The following MBD5 variants were observed in gnomAD, a reference collection of about 807,000 sequenced individuals.
The protein encoded by MBD5 is methyl-CpG-binding domain protein 5.
In MBD5, 13 loss-of-function variants were observed where a neutral mutation model predicts 117.3. The ratio of observed to expected loss-of-function variants is 0.11; its 90% CI spans 0.07 to 0.18. The LOEUF (loss-of-function observed/expected upper bound fraction) is 0.18. MBD5 is among the 10% of genes least tolerant of loss of function. The probability of loss-of-function intolerance (pLI) is 1.00; values close to 1 mark genes in which losing one functional copy is unlikely to be tolerated. For missense variants in MBD5, 1,879 were observed against 2,093.8 expected (o/e 0.90, Z 2.00); for synonymous variants, 727 against 766.4 (o/e 0.95, Z 0.85).
intron 3 of MBD5, among the ~76,000 whole-genome samples, chr2:148,267,211 T>TA (rs1700879654): frequency 6.6e-6 from 1 of 152,032 alleles, no homozygotes; most frequent in African/African-American, 2.4e-5. Context: ...AGTAGACAGA[T>TA]AAAAAAAGAA....
intron 1 of MBD5, among the ~76,000 whole-genome samples, chr2:148,023,244 A>T (rs890862899): frequency 2.6e-5 from 4 of 152,162 alleles, no homozygotes; most frequent in African/African-American, 9.7e-5. Flanking sequence ...TAAATCTAGA[A>T]GGATATTTGG....
intron 1 of MBD5, among the ~76,000 whole-genome samples, chr2:148,090,701 A>G (rs914948200): frequency 1.3e-5 from 2 of 152,170 alleles, no homozygotes; most frequent in African/African-American, 2.4e-5. Context: ...CCTCAAAGTA[A>G]TAAAAGCCAT....
chr2:148,333,464 A>C (rs1702712882), intron 3 of MBD5, among the ~76,000 whole-genome samples: 1 of 152,188 alleles, frequency 6.6e-6, no homozygotes, highest in South Asian at 2.1e-4. Context: ...GTGTGAACCA[A>C]GTAAAAGAGG....
chr2:148,461,518 G>A (rs1707082124), intron 5 of MBD5, among the ~76,000 whole-genome samples: 1 of 152,166 alleles, frequency 6.6e-6, no homozygotes, highest in Non-Finnish European at 1.5e-5. Context: ...AGAACAATCT[G>A]TGTCCAGTAT....
intron 4 of MBD5, among the ~76,000 whole-genome samples, chr2:148,348,413 A>T (rs984989586): frequency 3.3e-5 from 5 of 151,972 alleles, no homozygotes; most frequent in Admixed American, 2.0e-4. Context: ...ACTCACTTTA[A>T]ATTAGAATAC....
At chr2:148,504,265 T>C (rs1328460194) in intron 12 of MBD5, among the ~76,000 whole-genome samples, 1 of 152,198 alleles carries the variant, frequency 6.6e-6, no homozygotes, top group Non-Finnish European at 1.5e-5. Context: ...GAACTTTATT[T>C]ACCATACTAT....
At chr2:148,183,138 C>T (rs1465044638) in intron 2 of MBD5, among the ~76,000 whole-genome samples, 1 of 152,048 alleles carries the variant, frequency 6.6e-6, no homozygotes, top group African/African-American at 2.4e-5. Flanking sequence ...AGTAAAGCAT[C>T]ATGTTCAGGA....
chr2:148,492,377 T>G (rs2105148089), intron 11 of MBD5, among the ~76,000 whole-genome samples: 1 of 152,116 alleles, frequency 6.6e-6, no homozygotes. Context: ...CCTTGTCATT[T>G]TGGATTCTCA....
intron 4 of MBD5, among the ~76,000 whole-genome samples, chr2:148,379,474 T>A (rs1426068162): frequency 1.3e-5 from 2 of 151,756 alleles, no homozygotes; most frequent in Non-Finnish European, 2.9e-5. Context: ...TCAAAAGACA[T>A]AAACTAAAGA....
intron 4 of MBD5, among the ~76,000 whole-genome samples, chr2:148,418,874 T>C (rs776602231): frequency 6.6e-6 from 1 of 151,820 alleles, no homozygotes; most frequent in African/African-American, 2.4e-5. Context: ...GAAAAAAAAA[T>C]TCTGAAATTC....
chr2:148,418,774 A>G (rs2105243574), intron 4 of MBD5, among the ~76,000 whole-genome samples: 1 of 152,338 alleles, frequency 6.6e-6, no homozygotes, highest in East Asian at 1.9e-4. Context: ...GGAAAAAACA[A>G]TATCATGAAA....
chr2:148,291,042 A>G (rs1701488528), intron 3 of MBD5, among the ~76,000 whole-genome samples: 1 of 152,184 alleles, frequency 6.6e-6, no homozygotes, highest in African/African-American at 2.4e-5. Context: ...TGTCATGTCT[A>G]TTCCATTGAT....
chr2:148,088,005 G>T (rs188611601), intron 1 of MBD5, among the ~76,000 whole-genome samples: 17 of 151,060 alleles, frequency 1.1e-4, no homozygotes, highest in Admixed American at 5.3e-4. Flanking sequence ...CAGAGAAATA[G>T]ATATCATAAC....
intron 1 of MBD5, among the ~76,000 whole-genome samples, chr2:148,132,201 T>G (rs1406175324): frequency 6.6e-6 from 1 of 151,952 alleles, no homozygotes; most frequent in Non-Finnish European, 1.5e-5. Context: ...AAAACTATTG[T>G]TAGAGGATTA....
At chr2:148,417,916 T>C (rs944160956) in intron 4 of MBD5, among the ~76,000 whole-genome samples, 11 of 152,050 alleles carry the variant, frequency 7.2e-5, no homozygotes, top group Non-Finnish European at 1.5e-4. Context: ...CTTGGCTCAC[T>C]GTGACCTCCG....
chr2:148,102,020 C>G (rs1222219621), intron 1 of MBD5, among the ~76,000 whole-genome samples: 4 of 152,184 alleles, frequency 2.6e-5, no homozygotes, highest in Admixed American at 6.5e-5. Context: ...CCATCACTGA[C>G]TCTTTCGATT....
chr2:148,303,035 A>G (rs1559013313), intron 3 of MBD5, among the ~76,000 whole-genome samples: 1 of 151,126 alleles, frequency 6.6e-6, no homozygotes, highest in Non-Finnish European at 1.5e-5. Context: ...TGAAGATGTT[A>G]TTTATATTTT....
intron 3 of MBD5, among the ~76,000 whole-genome samples, chr2:148,242,943 G>A (rs949736607): frequency 2.6e-5 from 4 of 152,124 alleles, no homozygotes; most frequent in Non-Finnish European, 4.4e-5. Flanking sequence ...TGCTATAGTG[G>A]AAGTAATGTT....
chr2:148,026,936 A>T (rs1693907884), intron 1 of MBD5: 2 of 69,214 alleles, frequency 2.9e-5, no homozygotes, highest in Admixed American at 1.7e-4. Flanking sequence ...ATAAACAAAT[A>T]AAAAAACAGT....
Sources: gnomAD v4.1 joint callset for allele counts (sites outside exome capture counted in the v4.1 genomes callset) on GRCh38, gnomAD v4.1.1 for gene constraint, MANE v1.5 for transcripts, NCBI Gene and HGNC (gene_info 2026-07-23, HGNC 2026-07-21) for gene names.